PALM2AKAP2: variants seen among roughly 807,000 people sequenced by gnomAD.
The protein encoded by PALM2AKAP2 is PALM2-AKAP2 fusion protein.
In PALM2AKAP2, 37 loss-of-function variants were observed where a neutral mutation model predicts 71.5. The ratio of observed to expected loss-of-function variants is 0.52; its 90% CI spans 0.40 to 0.68. The LOEUF is 0.68. Among genes scored for constraint, PALM2AKAP2 ranks in the 30% least tolerant of loss-of-function variants. The pLI, the probability that PALM2AKAP2 is intolerant of heterozygous loss-of-function variation, is 0.00. For missense variants in PALM2AKAP2, 1,224 were observed against 1,191.8 expected, an observed-to-expected ratio of 1.03 and a Z score of -0.40; for synonymous variants, 468 against 478.8, an observed-to-expected ratio of 0.98 and a Z score of 0.29.
chr9:109,676,768 A>G (rs1275971294), intron 1 of PALM2AKAP2, among the ~76,000 whole-genome samples: 1 of 152,246 alleles, frequency 6.6e-6, no homozygotes, highest in Non-Finnish European at 1.5e-5. Context: ...GTGATCTCTC[A>G]GAATCCAAGG....
At chr9:110,117,973 T>TTGTGTGTGTG (rs1171400897) in intron 1 of PALM2AKAP2, among the ~76,000 whole-genome samples, 3,989 of 138,474 alleles carry the variant, frequency 0.029, 130 homozygotes, top group African/African-American at 0.085. Flanking sequence ...ATATGTCGTT[T>TTGTGTGTGTG]TGTGTGTGTG....
At chr9:109,989,607 A>G (rs2132230926) in intron 6 of PALM2AKAP2, among the ~76,000 whole-genome samples, 1 of 152,312 alleles carries the variant, frequency 6.6e-6, no homozygotes, top group South Asian at 2.1e-4. Context: ...GTTATCTTCA[A>G]TACGTTATTG....
At chr9:110,156,242 T>G in intron 2 of PALM2AKAP2, 77 bp from the exon 9 acceptor site, 1 of 1,468,824 alleles carries the variant, frequency 6.8e-7, no homozygotes, top group Non-Finnish European at 9.0e-7. Flanking sequence ...TGTTGCTCTT[T>G]TATTTGCCAG....
At chr9:109,741,509 GT>G (rs1260963147) in intron 1 of PALM2AKAP2, among the ~76,000 whole-genome samples, 1 of 152,232 alleles carries the variant, frequency 6.6e-6, no homozygotes, top group Non-Finnish European at 1.5e-5. Context: ...GGCGACAGAT[GT>G]TTTAACTTTA....
chr9:109,863,219 G>T (rs1457514948), intron 1 of PALM2AKAP2, among the ~76,000 whole-genome samples: 2 of 152,222 alleles, frequency 1.3e-5, no homozygotes, highest in Non-Finnish European at 2.9e-5. Flanking sequence ...ATATGGAATA[G>T]TCTCCATGTC....
chr9:109,958,699 G>A (rs1026744234), intron 6 of PALM2AKAP2, among the ~76,000 whole-genome samples: 1 of 151,308 alleles, frequency 6.6e-6, no homozygotes, highest in African/African-American at 2.5e-5. Flanking sequence ...AGAGGAAGGA[G>A]AGGAAGGAAG....
chr9:109,766,587 A>G lies in PALM2AKAP2; in HGVS notation c.6-13901A>G, dbSNP rs141548983. On this transcript the variant is annotated intron_variant, in intron 1 of 6. Transcript: ENST00000374531. ...CTGACAGCATCTTTATTTATTGTGC[A>G]TGGATTTCATGTTAACCTCATCATC... 2.0e-5 allele frequency among the ~76,000 whole-genome samples: 3 copies of G among 152,318 alleles called. No homozygotes were observed. The East Asian group carries it at 5.8e-4, about 29-fold the overall frequency.
chr9:109,791,361 G>A (rs1438182914), intron 1 of PALM2AKAP2, among the ~76,000 whole-genome samples: 1 of 152,188 alleles, frequency 6.6e-6, no homozygotes, highest in South Asian at 2.1e-4. Flanking sequence ...CTTTCTACTT[G>A]ACATGTTCCT....
At chr9:109,765,594 A>G (rs1829139280) in intron 1 of PALM2AKAP2, 1 of 152,828 alleles carries the variant, frequency 6.5e-6, no homozygotes, top group South Asian at 2.1e-4. Context: ...TGATATAGTT[A>G]GTCTGGAGTG....
At chr9:109,644,618 T>G (rs1827122289) in intron 1 of PALM2AKAP2, among the ~76,000 whole-genome samples, 1 of 152,102 alleles carries the variant, frequency 6.6e-6, no homozygotes, top group Non-Finnish European at 1.5e-5. Context: ...GGCTGCAAAT[T>G]TTCTCAACTT....
intron 1 of PALM2AKAP2, among the ~76,000 whole-genome samples, chr9:110,124,939 A>G (rs991478418): frequency 2.0e-5 from 3 of 152,226 alleles, no homozygotes; most frequent in Non-Finnish European, 4.4e-5. Context: ...TTAAATATGT[A>G]TTTCTGAGAA....
intron 6 of PALM2AKAP2, among the ~76,000 whole-genome samples, chr9:109,966,723 A>G (rs1017296685): frequency 2.6e-5 from 4 of 152,268 alleles, no homozygotes; most frequent in Non-Finnish European, 5.9e-5. Flanking sequence ...AAAATAATGT[A>G]CTTTCAAAAC....
intron 5 of PALM2AKAP2, among the ~76,000 whole-genome samples, chr9:109,928,876 A>T (rs1030481577): frequency 6.6e-6 from 1 of 152,088 alleles, no homozygotes; most frequent in Non-Finnish European, 1.5e-5. Context: ...CATGTTGGCC[A>T]TGCTGGTCTC....
intron 1 of PALM2AKAP2, among the ~76,000 whole-genome samples, chr9:110,082,688 T>G (rs1031616224): frequency 2.6e-5 from 4 of 152,238 alleles, no homozygotes; most frequent in African/African-American, 9.6e-5. Context: ...GGTTTTGGTT[T>G]TGTGGTAAAA....
chr9:109,999,297 C>T (rs141352373), intron 6 of PALM2AKAP2, among the ~76,000 whole-genome samples: 1 of 151,834 alleles, frequency 6.6e-6, no homozygotes, highest in African/African-American at 2.4e-5. Context: ...CAAGATCACA[C>T]CAAGATCACA....
chr9:110,084,742 C>CT (rs983183909), intron 1 of PALM2AKAP2, among the ~76,000 whole-genome samples: 63 of 146,830 alleles, frequency 4.3e-4, no homozygotes, highest in East Asian at 1.4e-3. Context: ...GTTTGTTTTT[C>CT]TTTTTTTTTT....
At chr9:110,027,141 T>C (rs1483921029) in intron 7 of PALM2AKAP2, among the ~76,000 whole-genome samples, 2 of 152,180 alleles carry the variant, frequency 1.3e-5, no homozygotes, top group Admixed American at 1.3e-4. Flanking sequence ...TATTGCTGGT[T>C]ACAAAAGTTC....
intron 3 of PALM2AKAP2, among the ~76,000 whole-genome samples, chr9:109,921,915 A>G (rs549522139): frequency 6.6e-6 from 1 of 152,274 alleles, no homozygotes. Context: ...TTGCCTTCAT[A>G]ACCCAAAGTA....
intron 7 of PALM2AKAP2, among the ~76,000 whole-genome samples, chr9:110,019,095 C>T (rs900478050): frequency 5.9e-5 from 9 of 151,740 alleles, no homozygotes; most frequent in East Asian, 3.9e-4. Context: ...AAAAATTAGC[C>T]GGGTGTGATG....
Sources: gnomAD v4.1 joint callset for allele counts (sites outside exome capture counted in the v4.1 genomes callset) on GRCh38, gnomAD v4.1.1 for gene constraint, MANE v1.5 for transcripts, NCBI Gene and HGNC (gene_info 2026-07-23, HGNC 2026-07-21) for gene names.